Variants in FEZ2 observed in about 807,000 individuals in gnomAD.
FEZ2 encodes the protein fasciculation and elongation protein zeta-2.
In FEZ2, 51 loss-of-function variants were observed where a neutral mutation model predicts 40.4. The observed-to-expected ratio is 1.26, with a 90% CI of 1.01 to 1.59. FEZ2 has a LOEUF of 1.59. Ranked by LOEUF, FEZ2 falls within the 40% of genes most tolerant of loss-of-function variation. FEZ2 has a pLI of 0.00. For synonymous variants in FEZ2, 242 were observed against 172.0 expected (o/e 1.41, Z -3.18); for missense variants, 640 against 438.3 (o/e 1.46, Z -4.11).
intron 4 of FEZ2, chr2:36,579,091 A>C (rs2125234454): frequency 6.5e-6 from 3 of 461,002 alleles, no homozygotes; most frequent in Non-Finnish European, 1.1e-5. Flanking sequence ...GTCACTTCTC[A>C]GCTTGCTGGC....
intron 5 of FEZ2, among the ~76,000 whole-genome samples, chr2:36,568,175 A>G (rs1042245878): frequency 2.0e-5 from 3 of 151,948 alleles, no homozygotes; most frequent in Admixed American, 6.6e-5. Context: ...GGAGAGACAG[A>G]AGGGGTAGGG....
chr2:36,554,816 T>C (rs1321736192), intron 7 of FEZ2, among the ~76,000 whole-genome samples: 1 of 152,144 alleles, frequency 6.6e-6, no homozygotes, highest in Non-Finnish European at 1.5e-5. Flanking sequence ...TTCTAATGTC[T>C]CAGAAATCTT....
At chr2:36,576,351 C>G (rs925514005) in intron 5 of FEZ2, among the ~76,000 whole-genome samples, 3 of 151,896 alleles carry the variant, frequency 2.0e-5, no homozygotes, top group African/African-American at 7.3e-5. Flanking sequence ...CTCGCTGCAA[C>G]CTCCGCCTCC....
At chr2:36,579,064 G>A in intron 4 of FEZ2, 199 bp from the exon 5 acceptor site, 1 of 526,404 alleles carries the variant, frequency 1.9e-6, no homozygotes, top group Non-Finnish European at 3.3e-6. Context: ...TCTGAGTAGA[G>A]GTAAGTGGGC....
intron 7 of FEZ2, among the ~76,000 whole-genome samples, chr2:36,555,040 CTTCT>C (rs908260701): frequency 9.2e-5 from 14 of 152,124 alleles, no homozygotes; most frequent in East Asian, 1.9e-4. Context: ...TCTTCCGTCC[CTTCT>C]TTATCATCCA....
chr2:36,560,830 C>T, intron 5 of FEZ2: 1 of 1,611,568 alleles, frequency 6.2e-7, no homozygotes. Context: ...GGAGGCCATT[C>T]TGAATGACAT....
At chr2:36,570,791 T>C (rs759911391) in intron 5 of FEZ2, among the ~76,000 whole-genome samples, 6 of 152,174 alleles carry the variant, frequency 3.9e-5, no homozygotes, top group Admixed American at 6.5e-5. Flanking sequence ...TAGATAAACA[T>C]AGAAAAAGTA....
chr2:36,565,401 C>T (rs556530888), intron 5 of FEZ2, among the ~76,000 whole-genome samples: 5 of 152,306 alleles, frequency 3.3e-5, no homozygotes, highest in African/African-American at 9.6e-5. Flanking sequence ...TGTCGTACGA[C>T]GCCATCCATT....
intron 1 of FEZ2, among the ~76,000 whole-genome samples, chr2:36,593,054 A>T (rs1669115018): frequency 6.6e-6 from 1 of 152,184 alleles, no homozygotes; most frequent in South Asian, 2.1e-4. Context: ...TTTCTGGCTC[A>T]TACCTTCCTG....
chr2:36,574,005 G>C (rs903189660), intron 5 of FEZ2, among the ~76,000 whole-genome samples: 2 of 152,136 alleles, frequency 1.3e-5, no homozygotes, highest in Non-Finnish European at 1.5e-5. Flanking sequence ...GGATAAACTA[G>C]TTTTGCTAAC....
intron 7 of FEZ2, chr2:36,554,359 G>A (rs1042590276): frequency 6.4e-6 from 3 of 469,220 alleles, no homozygotes; most frequent in Non-Finnish European, 1.3e-5. Context: ...TGCTAAAATA[G>A]CTAGAGAATG....
In FEZ2 at chr2:36,581,318, CTT is replaced by C; in HGVS notation, c.604_605del (p.Lys202GlufsTer3). The C allele has an allele frequency of 6.2e-7, 1 of 1,613,882 alleles. No homozygotes were observed. Among genetic ancestry groups the C allele is most frequent in the Non-Finnish European group, 8.5e-7 (1 of 1,179,802 alleles). Reference protein sequence around the residue: ...SMLSQEIQTLKRSSTGSYEER... With the variant: ...SMLSQEIQTLXRSSTGSYEER... ...CTTCATAACTGCCGGTACTAGACCT[CTT>C]GAGAGTTTGAATTTCCTGGGAAAGC... is the stretch of plus-strand genomic sequence containing the variant. On this transcript the variant is annotated frameshift_variant, in exon 4 of 8. Coordinates refer to ENST00000405912, the MANE Select transcript of FEZ2 (RefSeq NM_005102.3). LOFTEE classifies it high-confidence loss of function.
intron 5 of FEZ2, among the ~76,000 whole-genome samples, chr2:36,562,712 T>C (rs1173838321): frequency 6.6e-6 from 1 of 152,236 alleles, no homozygotes; most frequent in African/African-American, 2.4e-5. Context: ...TTCATTCATA[T>C]TTTTTAAGCA....
intron 1 of FEZ2, chr2:36,594,631 G>A (rs1319980992): frequency 6.5e-6 from 1 of 153,014 alleles, no homozygotes; most frequent in African/African-American, 2.4e-5. Flanking sequence ...ACAACACGTG[G>A]GAATTCTGGG....
chr2:36,576,081 A>C (rs1331167804), intron 5 of FEZ2, among the ~76,000 whole-genome samples: 1 of 152,158 alleles, frequency 6.6e-6, no homozygotes, highest in Non-Finnish European at 1.5e-5. Context: ...ACTCATAGAG[A>C]CCAGGTCTTG....
At chr2:36,580,523 C>A (rs1179496) in intron 4 of FEZ2, among the ~76,000 whole-genome samples, 14,690 of 152,226 alleles carry the variant, frequency 0.097, 1,511 homozygotes, top group African/African-American at 0.22. Flanking sequence ...TTTATTCAGA[C>A]ATTTTTCATG....
At chr2:36,563,323 T>G (rs1668140918) in intron 5 of FEZ2, among the ~76,000 whole-genome samples, 1 of 151,898 alleles carries the variant, frequency 6.6e-6, no homozygotes, top group African/African-American at 2.4e-5. Context: ...GAAGGTAAAG[T>G]AAGGAATGCA....
intron 5 of FEZ2, among the ~76,000 whole-genome samples, chr2:36,562,520 A>C (rs953924932): frequency 2.2e-4 from 33 of 152,194 alleles, no homozygotes; most frequent in African/African-American, 8.0e-4. Flanking sequence ...TTCCCTACCT[A>C]GCCTTTCCCA....
chr2:36,595,121 T>C (rs962511950), intron 1 of FEZ2, among the ~76,000 whole-genome samples: 1 of 152,178 alleles, frequency 6.6e-6, no homozygotes, highest in African/African-American at 2.4e-5. Flanking sequence ...CCTCAGTACG[T>C]AAATACAATC....
Sources: allele counts gnomAD v4.1 joint callset (sites outside exome capture counted in the v4.1 genomes callset), GRCh38; gene constraint gnomAD v4.1.1; transcripts MANE v1.5; gene names NCBI Gene and HGNC (gene_info 2026-07-23, HGNC 2026-07-21).